Variants in ANKRD10 observed in about 807,000 individuals in gnomAD.
ANKRD10 encodes ankyrin repeat domain 10, also known as ankyrin repeat domain-containing protein 10.
A neutral mutation model predicts 27.0 loss-of-function variants in ANKRD10; 14 were observed. The observed-to-expected ratio is 0.52, with a 90% CI of 0.34 to 0.81. ANKRD10 has a LOEUF of 0.81. Among genes scored for constraint, ANKRD10 ranks in the 40% least tolerant of loss-of-function variants. The pLI is 0.01. For missense variants in ANKRD10, 493 were observed against 544.0 expected (o/e 0.91, Z 0.93); for synonymous variants, 250 against 224.5 (o/e 1.11, Z -1.01).
chr13:110,895,737 G>C (rs939315846), intron 3 of ANKRD10, among the ~76,000 whole-genome samples: 3 of 152,142 alleles, frequency 2.0e-5, no homozygotes, highest in African/African-American at 7.2e-5. Context: ...ATTTGGGTTA[G>C]AACAGCAAGT....
intron 3 of ANKRD10, among the ~76,000 whole-genome samples, chr13:110,903,722 T>C (rs2065449439): frequency 6.6e-6 from 1 of 152,328 alleles, no homozygotes; most frequent in Admixed American, 6.5e-5. Flanking sequence ...ATAATACTGA[T>C]ATAAGGCAGC....
intron 3 of ANKRD10, among the ~76,000 whole-genome samples, chr13:110,900,085 AG>A (rs67397939): frequency 0.28 from 42,669 of 151,852 alleles, 7,128 homozygotes; most frequent in Non-Finnish European, 0.38. Context: ...TCTCCCCCAA[AG>A]AACTTTCACT....
intron 3 of ANKRD10, chr13:110,904,256 T>C (rs1326074413): frequency 6.6e-6 from 1 of 152,108 alleles, no homozygotes; most frequent in Non-Finnish European, 1.5e-5. Flanking sequence ...GGGTCTTGAG[T>C]GGTGGCTCTT....
Position 110,910,753 on chromosome 13 carries a change from C to T in ANKRD10, c.228G>A (p.Gln76=), listed in dbSNP as rs1364572826. 1.9e-6 allele frequency: 3 copies of T among 1,613,814 alleles called. No individual in the cohort carries two copies. Among genetic ancestry groups the T allele is most frequent in the South Asian group, 1.1e-5 (1 of 91,002 alleles). The stretch of plus-strand genomic sequence containing the variant: ...TGAGTGTGGCTCCCGCTCTCACCAA[C>T]TGCACTAAGCACTCCAACTTCGAAA... ...AHFGKLECLV[Q]LVRAGATLNV... is the part of the protein sequence containing the mutation. Residue 76 remains glutamine, a synonymous_variant, in exon 2 of 6, where the codon CAG becomes CAA. Transcript: ENST00000267339.
intron 3 of ANKRD10, among the ~76,000 whole-genome samples, chr13:110,903,202 A>C (rs964802824): frequency 6.6e-6 from 1 of 152,342 alleles, no homozygotes; most frequent in South Asian, 2.1e-4. Context: ...GGAAAAATGG[A>C]ACTACCATAT....
At chr13:110,885,100 G>C (rs903123775) in intron 4 of ANKRD10, among the ~76,000 whole-genome samples, 2 of 152,104 alleles carry the variant, frequency 1.3e-5, no homozygotes, top group African/African-American at 4.8e-5. Flanking sequence ...TCAAATACAA[G>C]TGCTTTAAGA....
intron 4 of ANKRD10, among the ~76,000 whole-genome samples, chr13:110,886,213 A>G (rs2064927361): frequency 6.6e-6 from 1 of 152,234 alleles, no homozygotes; most frequent in Non-Finnish European, 1.5e-5. Context: ...CGGGAAACAC[A>G]CTAGTCTCCC....
chr13:110,881,466 T>G (rs63514361), intron 5 of ANKRD10, among the ~76,000 whole-genome samples: 1 of 19,424 alleles, frequency 5.1e-5, no homozygotes, highest in East Asian at 8.5e-3. Flanking sequence ...TTAATCATCC[T>G]TTTTTTTTAT....
At chr13:110,892,067 T>C (rs752476862) in intron 4 of ANKRD10, among the ~76,000 whole-genome samples, 4 of 151,286 alleles carry the variant, frequency 2.6e-5, no homozygotes, top group African/African-American at 9.7e-5. Flanking sequence ...GGGAGATGTT[T>C]TCAACTTCAA....
intron 1 of ANKRD10, 28 bp downstream of exon 1, chr13:110,914,697 A>G: frequency 6.5e-7 from 1 of 1,541,992 alleles, no homozygotes; most frequent in Non-Finnish European, 8.8e-7. Flanking sequence ...AGCCGGGGAA[A>G]ATGGCGCCTT....
rs777433237 is a variant in ANKRD10 at position 110,893,117 on chromosome 13, A to G, written c.602T>C (p.Val201Ala). ...TCCCACACTAATATGATTAGGAAAT[A>G]CATTCTGATGACCCCCATTTAAGAT... The part of the protein sequence containing the change: ...NGILNGGHQN[V>A]FPNHISVGTN... The change falls in exon 4 of 6, where the codon GTA (valine) becomes GCA (alanine). Residue 201 changes from valine to alanine, a missense_variant. By Grantham distance (64) the Val-to-Ala change is moderately conservative. Transcript: ENST00000267339. 25 of 1,614,110 alleles carry G rather than the reference A, an allele frequency of 1.5e-5. No individual in the cohort carries two copies. The highest frequency in any genetic ancestry group is 1.3e-4 in the Admixed American group (8 of 60,006).
chr13:110,894,227 A>C, intron 3 of ANKRD10: 3 of 1,534,284 alleles, frequency 2.0e-6, no homozygotes, highest in Non-Finnish European at 2.7e-6. Flanking sequence ...ACATCCTGTT[A>C]GCTGCAGGTT....
chr13:110,888,339 T>A (rs2064988403), intron 4 of ANKRD10, among the ~76,000 whole-genome samples: 1 of 151,752 alleles, frequency 6.6e-6, no homozygotes, highest in Admixed American at 6.6e-5. Context: ...GCAGACACTG[T>A]CTGGACTGGA....
chr13:110,911,293 TA>T (rs1179987794), intron 1 of ANKRD10, among the ~76,000 whole-genome samples: 1 of 146,392 alleles, frequency 6.8e-6, no homozygotes, highest in Non-Finnish European at 1.5e-5. Context: ...CTACTAAAAA[TA>T]CAAAAAAATT....
chr13:110,882,480 G>A (rs558199999), intron 5 of ANKRD10, among the ~76,000 whole-genome samples: 6 of 152,288 alleles, frequency 3.9e-5, no homozygotes, highest in African/African-American at 9.6e-5. Context: ...TCTGGTAGAC[G>A]GGATGGGCTG....
At chr13:110,887,719 G>C (rs1195856127) in intron 4 of ANKRD10, among the ~76,000 whole-genome samples, 1 of 152,210 alleles carries the variant, frequency 6.6e-6, no homozygotes, top group Non-Finnish European at 1.5e-5. Context: ...CAAAGCTTGA[G>C]ATCCTGACCT....
intron 4 of ANKRD10, among the ~76,000 whole-genome samples, chr13:110,884,704 T>G (rs1376583999): frequency 2.6e-5 from 4 of 152,220 alleles, no homozygotes; most frequent in African/African-American, 9.7e-5. Context: ...CTTCCTATCA[T>G]GAATACCACA....
intron 4 of ANKRD10, among the ~76,000 whole-genome samples, chr13:110,890,802 TG>T (rs34765275): frequency 0.32 from 48,965 of 152,032 alleles, 8,303 homozygotes; most frequent in East Asian, 0.69. Context: ...GAAGGCTGCA[TG>T]GTGAGTTTAA....
At chr13:110,880,500 G>A (rs2064795172) in intron 5 of ANKRD10, among the ~76,000 whole-genome samples, 2 of 152,024 alleles carry the variant, frequency 1.3e-5, no homozygotes, top group Admixed American at 1.3e-4. Context: ...AGAACTGAGT[G>A]TAAAGTGTTC....
Sources: allele counts gnomAD v4.1 joint callset (sites outside exome capture counted in the v4.1 genomes callset), GRCh38; gene constraint gnomAD v4.1.1; transcripts MANE v1.5; gene names NCBI Gene and HGNC (gene_info 2026-07-23, HGNC 2026-07-21).